Variants in RASGEF1A observed in about 807,000 individuals in gnomAD.
RASGEF1A encodes the protein RasGEF domain family member 1A, also known as ras-GEF domain-containing family member 1A.
A neutral mutation model predicts 56.4 loss-of-function variants in RASGEF1A; 18 were observed. The ratio of observed to expected loss-of-function variants is 0.32; its 90% CI spans 0.22 to 0.47. The LOEUF (loss-of-function observed/expected upper bound fraction) is 0.47, where lower values mean the gene tolerates loss of function less well. Among genes scored for constraint, RASGEF1A ranks in the 20% least tolerant of loss-of-function variants. The pLI, the probability that RASGEF1A is intolerant of heterozygous loss-of-function variation, is 1.00. For synonymous variants in RASGEF1A, 245 were observed against 242.6 expected (o/e 1.01, Z -0.09); for missense variants, 422 against 627.1 (o/e 0.67, Z 3.49).
chr10:43,250,190 C>T (rs1054500662), intron 1 of RASGEF1A, among the ~76,000 whole-genome samples: 1 of 152,258 alleles, frequency 6.6e-6, no homozygotes, highest in African/African-American at 2.4e-5. Flanking sequence ...GGCCAATGCG[C>T]AGTCTCGGAG....
In RASGEF1A at chr10:43,195,690, T is replaced by C. The variant is rs1165465347; in HGVS notation, c.*554A>G. The C allele has an allele frequency of 3.3e-5, 5 of 152,582 alleles. No individual in the cohort carries two copies. The highest frequency in any genetic ancestry group is 7.3e-5 in the Non-Finnish European group (5 of 68,068). The allele number at this position is 152,582 out of a possible 1,614,324, so 9.5% of individuals were successfully genotyped here. On this transcript the variant is annotated 3_prime_UTR_variant, in exon 13 of 13. Coordinates refer to ENST00000395810, the MANE Select transcript of RASGEF1A (RefSeq NM_145313.4). The surrounding 1 kb of genome is among the most constrained non-coding windows in gnomAD (Gnocchi z 4.2). ...GTACTCAAAGGCTCACTTCCAGAAG[T>C]GTGCGGACGCGACCTCCCAGCCACC...
At chr10:43,249,384 C>T (rs1489511751) in intron 1 of RASGEF1A, among the ~76,000 whole-genome samples, 3 of 152,242 alleles carry the variant, frequency 2.0e-5, no homozygotes, top group Non-Finnish European at 1.5e-5. Context: ...CCCCACTCCA[C>T]CCCAGCTAAC....
intron 1 of RASGEF1A, among the ~76,000 whole-genome samples, chr10:43,209,477 G>A (rs1423792901): frequency 6.6e-6 from 1 of 152,182 alleles, no homozygotes; most frequent in East Asian, 1.9e-4. Context: ...TCTGTAAAAT[G>A]GGCACAGGGA....
chr10:43,265,087 G>A lies in RASGEF1A; in HGVS notation c.-7+1758C>T, dbSNP rs921311651. On this transcript the variant is annotated intron_variant, in intron 1 of 12. Coordinates refer to ENST00000395810, the MANE Select transcript of RASGEF1A (RefSeq NM_145313.4). ...CTCCCACCGCTGGGGGCCACTGTGT[G>A]CGTGGCTCTCCCCACCGCAGCCACT... 5.3e-5 allele frequency among the ~76,000 whole-genome samples: 8 copies of A among 152,108 alleles called. No individual in the cohort carries two copies. In the East Asian group the frequency reaches 1.4e-3, roughly 26 times the overall value.
At chr10:43,237,338 C>T (rs1342456292) in intron 1 of RASGEF1A, among the ~76,000 whole-genome samples, 2 of 152,102 alleles carry the variant, frequency 1.3e-5, no homozygotes, top group Non-Finnish European at 2.9e-5. Flanking sequence ...AGTCTGTTCT[C>T]CTGCTTCACC....
chr10:43,212,314 C>T (rs17158616), intron 1 of RASGEF1A, among the ~76,000 whole-genome samples: 9,789 of 152,244 alleles, frequency 0.064, 378 homozygotes, highest in South Asian at 0.094. Flanking sequence ...CCAACATTTC[C>T]GTGAGCTCTG....
chr10:43,214,348 A>G (rs1840106916), intron 1 of RASGEF1A, among the ~76,000 whole-genome samples: 1 of 152,218 alleles, frequency 6.6e-6, no homozygotes. Flanking sequence ...AGTGATGAGG[A>G]GACCCAACAG....
chr10:43,242,960 A>G lies in RASGEF1A; in HGVS notation c.-7+23885T>C, dbSNP rs562042383. Reference sequence around the variant, plus strand: ...CCTCTGCCCGCCCGCCACCCCGTCTAGGAAGTGAGCAGCGTCTCTGCCTGG... The same window carrying G: ...CCTCTGCCCGCCCGCCACCCCGTCTGGGAAGTGAGCAGCGTCTCTGCCTGG... On this transcript the variant is annotated intron_variant, in intron 1 of 12. Transcript: ENST00000395810. 3.3e-5 allele frequency among the ~76,000 whole-genome samples: 5 copies of G among 152,236 alleles called. No homozygotes were observed. The East Asian group carries it at 9.7e-4, about 29-fold the overall frequency.
intron 1 of RASGEF1A, among the ~76,000 whole-genome samples, chr10:43,235,989 A>C (rs952864671): frequency 1.3e-5 from 2 of 152,156 alleles, no homozygotes; most frequent in African/African-American, 4.8e-5. Flanking sequence ...ACCTGCACAA[A>C]GTGAGACACA....
intron 1 of RASGEF1A, among the ~76,000 whole-genome samples, chr10:43,245,065 T>A (rs7098237): frequency 0.17 from 25,293 of 151,668 alleles, 2,681 homozygotes; most frequent in East Asian, 0.51. Context: ...CTAACTACAC[T>A]GAACAAGAAA....
At position 43,198,032 on chromosome 10, in the gene RASGEF1A, T is replaced by C; in HGVS notation, c.1196A>G (p.His399Arg). Residue 399 changes from histidine to arginine, a missense_variant, in exon 10 of 13, where the codon CAC becomes CGC. Physicochemically the swap from His to Arg is conservative, Grantham distance 29. Coordinates refer to ENST00000395810, the MANE Select transcript of RASGEF1A (RefSeq NM_145313.4). ...IYFLHKIHTN[H>R]LPNGHINFKK... ...AAAGTTAATGTGCCCGTTGGGCAGG[T>C]GGTTGGTATGGATTTTGTGCAGGAA... The C allele has an allele frequency of 6.2e-7, 1 of 1,612,832 alleles. No individual in the cohort carries two copies. Among genetic ancestry groups the C allele is most frequent in the Non-Finnish European group, 8.5e-7 (1 of 1,179,072 alleles).
At chr10:43,252,383 G>A (rs1440301387) in intron 1 of RASGEF1A, among the ~76,000 whole-genome samples, 1 of 152,154 alleles carries the variant, frequency 6.6e-6, no homozygotes, top group Non-Finnish European at 1.5e-5. Context: ...AGGAGTCAAG[G>A]GCCTGGCCAG....
intron 1 of RASGEF1A, among the ~76,000 whole-genome samples, chr10:43,253,898 C>G (rs1442358643): frequency 6.6e-6 from 1 of 152,228 alleles, no homozygotes; most frequent in African/African-American, 2.4e-5. Flanking sequence ...CAGGGGCAGC[C>G]CACCCTGCTT....
intron 1 of RASGEF1A, among the ~76,000 whole-genome samples, chr10:43,233,913 A>G (rs1220726743): frequency 1.3e-5 from 2 of 152,206 alleles, no homozygotes; most frequent in South Asian, 2.1e-4. Flanking sequence ...GTGTCACTCA[A>G]TGGAACGCTC....
At chr10:43,249,044 A>G (rs1041920460) in intron 1 of RASGEF1A, among the ~76,000 whole-genome samples, 1 of 152,212 alleles carries the variant, frequency 6.6e-6, no homozygotes, top group Non-Finnish European at 1.5e-5. Context: ...TCTCACCCAC[A>G]TGAAGCAATC....
chr10:43,237,461 C>G (rs1255937557), intron 1 of RASGEF1A, among the ~76,000 whole-genome samples: 1 of 144,896 alleles, frequency 6.9e-6, no homozygotes, highest in Admixed American at 7.0e-5. Flanking sequence ...CCCTCCCCCC[C>G]ACCTCCATTT....
chr10:43,256,537 A>T (rs1354505069), intron 1 of RASGEF1A, among the ~76,000 whole-genome samples: 1 of 152,142 alleles, frequency 6.6e-6, no homozygotes, highest in Non-Finnish European at 1.5e-5. Flanking sequence ...CGCAGACCAG[A>T]GTGGCCTCTC....
chr10:43,196,967 A>G lies in RASGEF1A; in HGVS notation c.1348+9T>C, dbSNP rs773166630. 2 of 1,612,730 alleles carry G rather than the reference A, an allele frequency of 1.2e-6. No individual in the cohort carries two copies. Among genetic ancestry groups the G allele is most frequent in the Non-Finnish European group, 1.7e-6 (2 of 1,179,836 alleles). ...TGGGAGGCATGCTGCGTTGGGAGGC[A>G]GCCCTCACCTTCCTCGCTGTAGATG... On this transcript the variant is annotated intron_variant, in intron 11 of 12. Transcript: ENST00000395810. The surrounding 1 kb of genome is among the most constrained non-coding windows in gnomAD (Gnocchi z 4.6).
In RASGEF1A at chr10:43,242,319, C is replaced by T. The variant is rs11528481; in HGVS notation, c.-7+24526G>A. 1.6e-3 allele frequency among the ~76,000 whole-genome samples: 248 copies of T among 152,110 alleles called. 1 individual carries two copies. Among genetic ancestry groups the T allele is most frequent in the African/African-American group, 5.7e-3 (235 of 41,500 alleles). ...TAAAGGGCTAATCAACAAGATATAACAATTACAAACAAATATATACCTAAC... is the reference window on the plus strand; with the variant it reads ...TAAAGGGCTAATCAACAAGATATAATAATTACAAACAAATATATACCTAAC... On this transcript the variant is annotated intron_variant, in intron 1 of 12. Coordinates refer to ENST00000395810, the MANE Select transcript of RASGEF1A (RefSeq NM_145313.4).
Sources: allele counts gnomAD v4.1 joint callset (sites outside exome capture counted in the v4.1 genomes callset), GRCh38; gene constraint gnomAD v4.1.1; non-coding constraint Gnocchi (gnomAD v3.1); transcripts MANE v1.5; gene names NCBI Gene and HGNC (gene_info 2026-07-23, HGNC 2026-07-21).